Variants in COL22A1 observed in about 807,000 individuals in gnomAD.
COL22A1 encodes the protein collagen type XXII alpha 1 chain.
A neutral mutation model predicts 248.9 loss-of-function variants in COL22A1; 221 were observed. That is an observed-to-expected ratio of 0.89 (90% CI 0.80 to 0.99). COL22A1 has a LOEUF of 0.99. Among genes scored for constraint, COL22A1 ranks in the 50% least tolerant of loss-of-function variants. The pLI is 0.00. For missense variants in COL22A1, 2,240 were observed against 2,179.0 expected (o/e 1.03, Z -0.56); for synonymous variants, 891 against 793.4 (o/e 1.12, Z -2.07).
chr8:138,717,553 T>C (rs949906747), intron 27 of COL22A1, among the ~76,000 whole-genome samples: 2 of 152,026 alleles, frequency 1.3e-5, no homozygotes, highest in Non-Finnish European at 2.9e-5. Context: ...AGCCTTGAGC[T>C]CTTGGGCTCA....
chr8:138,673,488 C>A (rs941208257), intron 41 of COL22A1, among the ~76,000 whole-genome samples: 1 of 152,162 alleles, frequency 6.6e-6, no homozygotes, highest in Admixed American at 6.5e-5. Context: ...GGATTACAGG[C>A]ATGAGCCACC....
intron 4 of COL22A1, among the ~76,000 whole-genome samples, chr8:138,839,692 A>G (rs1383643407): frequency 6.6e-6 from 1 of 152,158 alleles, no homozygotes; most frequent in East Asian, 1.9e-4. Flanking sequence ...TATCATGGGC[A>G]GGACTTGGTG....
chr8:138,904,404 T>C (rs1416636484), intron 1 of COL22A1, among the ~76,000 whole-genome samples: 1 of 151,990 alleles, frequency 6.6e-6, no homozygotes, highest in Non-Finnish European at 1.5e-5. Flanking sequence ...CCTGGGTCTA[T>C]AGGGTTGAAG....
chr8:138,876,487 A>G (rs146659155), intron 3 of COL22A1, among the ~76,000 whole-genome samples: 7 of 152,336 alleles, frequency 4.6e-5, no homozygotes, highest in African/African-American at 1.7e-4. Context: ...TAGCCCCAGA[A>G]ATCAGCACAA....
intron 16 of COL22A1, among the ~76,000 whole-genome samples, chr8:138,771,022 C>A (rs1249585733): frequency 6.6e-6 from 1 of 152,234 alleles, no homozygotes; most frequent in East Asian, 1.9e-4. Context: ...AGTGAAGAAA[C>A]CTGGGACTTG....
At chr8:138,888,783 C>G (rs1356936671) in intron 1 of COL22A1, among the ~76,000 whole-genome samples, 1 of 152,176 alleles carries the variant, frequency 6.6e-6, no homozygotes, top group Non-Finnish European at 1.5e-5. Flanking sequence ...GATCGCCCAG[C>G]CCTCTCATGC....
intron 30 of COL22A1, among the ~76,000 whole-genome samples, chr8:138,713,451 A>G (rs1212441012): frequency 6.6e-6 from 1 of 152,230 alleles, no homozygotes; most frequent in African/African-American, 2.4e-5. Flanking sequence ...CTTGCAAAAC[A>G]TACTGAGTAT....
chr8:138,739,899 G>T (rs1831418110), intron 22 of COL22A1, among the ~76,000 whole-genome samples: 1 of 152,164 alleles, frequency 6.6e-6, no homozygotes, highest in South Asian at 2.1e-4. Flanking sequence ...TAATGTCTGG[G>T]TCACAATGAG....
intron 44 of COL22A1, among the ~76,000 whole-genome samples, chr8:138,657,770 C>T (rs118026208): frequency 6.6e-6 from 1 of 152,044 alleles, no homozygotes; most frequent in African/African-American, 2.4e-5. Context: ...TACATCCTAC[C>T]TAGATCCTCC....
rs770025187 is a variant in COL22A1 at position 138,775,995 on chromosome 8, G to A, written c.1774C>T (p.Arg592Ter). Residue 592 changes from arginine to a stop codon, truncating the protein, a stop_gained, in exon 16 of 65, where the codon CGA becomes TGA. Coordinates refer to ENST00000303045, the MANE Select transcript of COL22A1 (RefSeq NM_152888.3). LOFTEE classifies it high-confidence loss of function. ...RVGAPGLQGE[R>*]GEKGTRGEKG... ...TCTCCTCGAGTTCCCTTTTCACCTC[G>A]TTCTCCTTGGAGACCCTGGGGGACA... 12 of 1,613,998 alleles carry A rather than the reference G, an allele frequency of 7.4e-6. No individual in the cohort carries two copies. Among genetic ancestry groups the A allele is most frequent in the East Asian group, 2.2e-5 (1 of 44,868 alleles).
intron 22 of COL22A1, among the ~76,000 whole-genome samples, chr8:138,748,804 G>T (rs547944275): frequency 3.3e-5 from 5 of 152,308 alleles, no homozygotes; most frequent in African/African-American, 7.2e-5. Context: ...TTCTGAAGAT[G>T]ATGGCAGTCA....
At chr8:138,814,807 A>G (rs1818542781) in intron 7 of COL22A1, among the ~76,000 whole-genome samples, 1 of 152,108 alleles carries the variant, frequency 6.6e-6, no homozygotes, top group Non-Finnish European at 1.5e-5. Flanking sequence ...AGATGGGATA[A>G]CTTGTTACAC....
At chr8:138,593,392 T>TTA (rs1817251297) in intron 63 of COL22A1, among the ~76,000 whole-genome samples, 1 of 151,334 alleles carries the variant, frequency 6.6e-6, no homozygotes, top group African/African-American at 2.4e-5. Context: ...ATTTTTTTTT[T>TTA]AAAAAAAAAC....
chr8:138,656,522 A>C (rs1290650511), intron 44 of COL22A1, among the ~76,000 whole-genome samples: 1 of 152,298 alleles, frequency 6.6e-6, no homozygotes, highest in African/African-American at 2.4e-5. Context: ...AGGAGTCTGC[A>C]GGTGGATGAA....
rs998921357 is a variant in COL22A1, at chr8:138,755,814, C to T, written c.1918G>A (p.Ala640Thr). 6.2e-7 allele frequency: 1 copy of T among 1,614,174 alleles called. No individual in the cohort carries two copies. Residue 640 changes from alanine to threonine, a missense_variant, in exon 19 of 65, where the codon GCG (alanine) becomes ACG (threonine). Coordinates refer to ENST00000303045, the MANE Select transcript of COL22A1 (RefSeq NM_152888.3). ...PQGEKGDVGP[A>T]GPPGVPGSVV... ...GAGCCTGGTACACCAGGTGGCCCCGCAGGTCCCACGTCACCCTGCACAGAA... is the reference window on the plus strand; with the variant it reads ...GAGCCTGGTACACCAGGTGGCCCCGTAGGTCCCACGTCACCCTGCACAGAA...
intron 38 of COL22A1, among the ~76,000 whole-genome samples, chr8:138,684,750 G>A (rs1312405001): frequency 6.6e-6 from 1 of 152,134 alleles, no homozygotes; most frequent in South Asian, 2.1e-4. Flanking sequence ...ATAGACTTGC[G>A]CAAGTAAGGG....
At chr8:138,681,570 G>A (rs1825966805) in intron 39 of COL22A1, among the ~76,000 whole-genome samples, 1 of 152,106 alleles carries the variant, frequency 6.6e-6, no homozygotes. Flanking sequence ...AGGCCCTGAG[G>A]GTCCCTGAGG....
intron 22 of COL22A1, among the ~76,000 whole-genome samples, 171 bp downstream of exon 22, chr8:138,751,287 A>G (rs1832578214): frequency 6.6e-6 from 1 of 152,188 alleles, no homozygotes; most frequent in Non-Finnish European, 1.5e-5. Flanking sequence ...GGCAGAACAC[A>G]TAGTAGAACC....
chr8:138,676,885 C>T (rs984723107), intron 40 of COL22A1, among the ~76,000 whole-genome samples: 2 of 152,148 alleles, frequency 1.3e-5, no homozygotes, highest in Non-Finnish European at 2.9e-5. Flanking sequence ...TTGACCATGG[C>T]TCTAAATGTG....
Sources: gnomAD v4.1 joint callset for allele counts (sites outside exome capture counted in the v4.1 genomes callset) on GRCh38, gnomAD v4.1.1 for gene constraint, MANE v1.5 for transcripts, NCBI Gene and HGNC (gene_info 2026-07-23, HGNC 2026-07-21) for gene names.